Variants in CRTAC1 observed in about 807,000 individuals in gnomAD.
CRTAC1 encodes the protein acidic secreted protein in cartilage.
In CRTAC1, 37 loss-of-function variants were observed where a neutral mutation model predicts 67.8. The ratio of observed to expected loss-of-function variants is 0.55; its 90% confidence interval spans 0.42 to 0.72. CRTAC1 has a LOEUF of 0.72. Among genes scored for constraint, CRTAC1 ranks in the 30% least tolerant of loss-of-function variants. CRTAC1 has a pLI of 0.00. For missense variants in CRTAC1, 780 were observed against 931.6 expected, an observed-to-expected ratio of 0.84 and a Z score of 2.12; for synonymous variants, 348 against 371.0, an observed-to-expected ratio of 0.94 and a Z score of 0.71.
chr10:97,990,986 G>T (rs901366731), intron 2 of CRTAC1, among the ~76,000 whole-genome samples: 2 of 151,414 alleles, frequency 1.3e-5, no homozygotes, highest in Middle Eastern at 3.4e-3. Flanking sequence ...AAATATGGCT[G>T]GGCATGATAG....
intron 2 of CRTAC1, among the ~76,000 whole-genome samples, chr10:97,941,128 C>A (rs1170357823): frequency 6.6e-6 from 1 of 151,888 alleles, no homozygotes; most frequent in Non-Finnish European, 1.5e-5. Flanking sequence ...GGCCATATCT[C>A]AGGGTGCCCT....
intron 2 of CRTAC1, among the ~76,000 whole-genome samples, chr10:97,992,584 A>G (rs1472958718): frequency 1.3e-5 from 2 of 152,222 alleles, no homozygotes; most frequent in Non-Finnish European, 2.9e-5. Context: ...AAAATGTGAT[A>G]ACACATAATA....
At chr10:97,993,167 G>A (rs140762170) in intron 2 of CRTAC1, among the ~76,000 whole-genome samples, 4 of 152,248 alleles carry the variant, frequency 2.6e-5, no homozygotes, top group African/African-American at 9.6e-5. Flanking sequence ...ACCAGGACTG[G>A]AGGCTCAATG....
intron 2 of CRTAC1, among the ~76,000 whole-genome samples, chr10:97,985,174 G>T (rs577251207): frequency 3.9e-4 from 60 of 152,222 alleles, no homozygotes; most frequent in African/African-American, 1.4e-3. Flanking sequence ...AGTAAAGAAA[G>T]GAAGAGAGAA....
Position 97,975,915 on chromosome 10 carries a change from T to C in CRTAC1, c.224+35223A>G, listed in dbSNP as rs1286036255. ...TTGGAAGAAAGAGGAACCATCTACC[T>C]GGTGTGTGGCCCGTTCCCCGAACCA... On this transcript the variant is annotated intron_variant, in intron 2 of 14. Coordinates refer to ENST00000370597, the MANE Select transcript of CRTAC1 (RefSeq NM_018058.7). The surrounding 1 kb of genome is among the most constrained non-coding windows in gnomAD (Gnocchi z 4.8). Among the ~76,000 whole-genome samples, 1 of 152,190 alleles carries C rather than the reference T, an allele frequency of 6.6e-6. No homozygotes were observed. Among genetic ancestry groups the C allele is most frequent in the African/African-American group, 2.4e-5 (1 of 41,460 alleles).
chr10:97,908,900 G>T (rs1201725806), intron 5 of CRTAC1, among the ~76,000 whole-genome samples: 1 of 152,164 alleles, frequency 6.6e-6, no homozygotes, highest in African/African-American at 2.4e-5. Context: ...ATTCAGTTCG[G>T]AGAAAAGTGG....
chr10:98,030,511 G>A lies in CRTAC1; in HGVS notation c.-39C>T. The A allele has an allele frequency of 8.1e-7, 1 of 1,237,354 alleles. No homozygotes were observed. Among genetic ancestry groups the A allele is most frequent in the Non-Finnish European group, 1.0e-6 (1 of 982,076 alleles). The allele number at this position is 1,237,354 out of a possible 1,614,324, so 76.6% of individuals were successfully genotyped here. A position where few individuals can be genotyped will look rare whatever the true frequency, so the allele number is the denominator to read the frequency against. On this transcript the variant is annotated 5_prime_UTR_variant, in exon 1 of 15. Transcript: ENST00000370597. The surrounding 1 kb of genome is among the most constrained non-coding windows in gnomAD (Gnocchi z 4.2). ...GCCCCGCCGCCTAGGGGCGTGGGAAGCGGGCGCTCGCTGCCGCCTCTGCCG... is the reference window on the plus strand; with the variant it reads ...GCCCCGCCGCCTAGGGGCGTGGGAAACGGGCGCTCGCTGCCGCCTCTGCCG...
intron 13 of CRTAC1, 81 bp downstream of exon 13, chr10:97,882,705 G>T: frequency 6.7e-7 from 1 of 1,494,530 alleles, no homozygotes; most frequent in South Asian, 1.1e-5. Context: ...TTGCACCCTG[G>T]ACCTTGGCAT....
intron 2 of CRTAC1, among the ~76,000 whole-genome samples, chr10:97,987,926 G>A (rs2052010447): frequency 6.6e-6 from 1 of 152,106 alleles, no homozygotes; most frequent in African/African-American, 2.4e-5. Context: ...CACAGGGATG[G>A]GCATATGGTC....
intron 11 of CRTAC1, among the ~76,000 whole-genome samples, chr10:97,889,287 G>A (rs2050330710): frequency 6.6e-6 from 1 of 152,130 alleles, no homozygotes; most frequent in African/African-American, 2.4e-5. Flanking sequence ...CTGGGAAGTG[G>A]AGGGTGGGCA....
chr10:97,987,297 C>T (rs2051997723), intron 2 of CRTAC1, among the ~76,000 whole-genome samples: 1 of 152,192 alleles, frequency 6.6e-6, no homozygotes, highest in South Asian at 2.1e-4. Context: ...TGACTTTACT[C>T]ATCTGTATTC....
At chr10:98,021,579 C>A (rs1843121708) in intron 1 of CRTAC1, among the ~76,000 whole-genome samples, 1 of 152,186 alleles carries the variant, frequency 6.6e-6, no homozygotes, top group Non-Finnish European at 1.5e-5. Flanking sequence ...ATCGGGTTGC[C>A]ATGAGAATGA....
intron 2 of CRTAC1, among the ~76,000 whole-genome samples, chr10:97,952,119 G>A (rs954470068): frequency 1.3e-5 from 2 of 152,068 alleles, no homozygotes; most frequent in Admixed American, 6.5e-5. Context: ...TTGGGAGGCC[G>A]AGGCGGGCAG....
Position 97,876,884 on chromosome 10 carries a change from T to A in CRTAC1, c.1819+3365A>T, listed in dbSNP as rs572690970. Among the ~76,000 whole-genome samples, 4 of 148,930 alleles carry A rather than the reference T, an allele frequency of 2.7e-5. No homozygotes were observed. The South Asian group carries it at 6.5e-4, about 24-fold the overall frequency. Reference sequence around the variant, plus strand: ...GGCTGGTATAGCACAGACCAGTAGATGCATTGAATTTGAGGCACCTGTTCA... The same window carrying A: ...GGCTGGTATAGCACAGACCAGTAGAAGCATTGAATTTGAGGCACCTGTTCA... On this transcript the variant is annotated intron_variant, in intron 14 of 14. Transcript: ENST00000370597.
chr10:97,960,930 A>G (rs2051515036), intron 2 of CRTAC1, among the ~76,000 whole-genome samples: 1 of 152,254 alleles, frequency 6.6e-6, no homozygotes, highest in African/African-American at 2.4e-5. Flanking sequence ...CTAAAAATGT[A>G]TAAGCCATTT....
intron 2 of CRTAC1, among the ~76,000 whole-genome samples, chr10:97,942,116 G>T (rs762647331): frequency 1.3e-5 from 2 of 152,166 alleles, no homozygotes; most frequent in Non-Finnish European, 2.9e-5. Flanking sequence ...GCTCCTCAGA[G>T]AGATCTCCCT....
At chr10:97,867,933 G>A (rs1211478254) in intron 14 of CRTAC1, 1 of 152,238 alleles carries the variant, frequency 6.6e-6, no homozygotes. Context: ...GGAATCTTTG[G>A]GGCACTTGTA....
At chr10:97,886,536 A>C (rs1001621414) in intron 11 of CRTAC1, among the ~76,000 whole-genome samples, 1 of 152,198 alleles carries the variant, frequency 6.6e-6, no homozygotes, top group African/African-American at 2.4e-5. Context: ...GTTTTGCTTT[A>C]TCAAGCAAGA....
chr10:97,954,860 G>T (rs2044452082), intron 2 of CRTAC1, among the ~76,000 whole-genome samples: 1 of 152,080 alleles, frequency 6.6e-6, no homozygotes, highest in Non-Finnish European at 1.5e-5. Context: ...GCATTGCTTG[G>T]CTTATGGCTG....
Sources: gnomAD v4.1 joint callset for allele counts (sites outside exome capture counted in the v4.1 genomes callset) on GRCh38, gnomAD v4.1.1 for gene constraint, Gnocchi (gnomAD v3.1) non-coding constraint, MANE v1.5 for transcripts, NCBI Gene and HGNC (gene_info 2026-07-23, HGNC 2026-07-21) for gene names.